The following AMELX variants were observed in gnomAD, a reference collection of about 807,000 sequenced individuals.
AMELX encodes amelogenin X-linked.
Under a neutral mutation model 15.8 loss-of-function variants are expected in AMELX, and 9 were observed. The ratio of observed to expected loss-of-function variants is 0.57; its 90% CI spans 0.34 to 0.99. The LOEUF is 0.99. Among genes scored for constraint, AMELX ranks in the 50% least tolerant of loss-of-function variants. The probability of loss-of-function intolerance (pLI) is 0.02; values close to 1 mark genes in which losing one functional copy is unlikely to be tolerated. For synonymous variants in AMELX, 61 were observed against 58.8 expected (o/e 1.04, Z -0.17); for missense variants, 107 against 156.2 (o/e 0.68, Z 1.68).
At chrX:11,306,692 G>T in the AMELX span, among the ~76,000 whole-genome samples, 1 of 111,993 alleles carries the variant, frequency 8.9e-6, no homozygotes, top group Admixed American at 9.4e-5. Flanking sequence ...TTCGTCATCC[G>T]CCTCTAGGAT....
chrX:11,297,456 G>C (rs998736237), intron 3 of AMELX, among the ~76,000 whole-genome samples: 3 of 112,075 alleles, frequency 2.7e-5, no homozygotes, highest in Non-Finnish European at 5.6e-5. Flanking sequence ...ATATTGTTTG[G>C]AGAGTAATAT....
chrX:11,307,863 G>A, the AMELX span, among the ~76,000 whole-genome samples: 2 of 111,763 alleles, frequency 1.8e-5, no homozygotes, highest in South Asian at 7.5e-4. Flanking sequence ...CACATTAGTT[G>A]ATTTGATAGT....
intron 1 of AMELX, among the ~76,000 whole-genome samples, chrX:11,293,772 C>G (rs2048034217): frequency 8.9e-6 from 1 of 112,052 alleles, no homozygotes; most frequent in Non-Finnish European, 1.9e-5. Flanking sequence ...TGATCTACTA[C>G]TTTGAAAAGC....
Position 11,298,712 on chromosome X carries a change from T to G in AMELX, c.309T>G (p.Val103=). The change falls in exon 5 of 6, where the codon GTT becomes GTG. Residue 103 remains valine (V), a synonymous_variant. Coordinates refer to ENST00000380714, the MANE Select transcript of AMELX (RefSeq NM_001142.2). ...TCCCCCAGCAACCAATGATGCCCGT[T>G]CCTGGCCAACACTCCATGACTCCAA... ...PVIPQQPMMP[V]PGQHSMTPIQ... 1 of 1,211,017 alleles carries G rather than the reference T, an allele frequency of 8.3e-7. No individual in the cohort carries two copies. The highest frequency in any genetic ancestry group is 1.1e-6 in the Non-Finnish European group (1 of 895,335).
downstream of AMELX, chrX:11,300,807 A>C: frequency 2.4e-6 from 1 of 422,579 alleles, no homozygotes; most frequent in South Asian, 5.0e-5. Flanking sequence ...CTATCATTTG[A>C]GATGATATAT....
chrX:11,308,538 CTTGATCCTTCATCA>C, the AMELX span, among the ~76,000 whole-genome samples: 1 of 111,505 alleles, frequency 9.0e-6, no homozygotes, highest in African/African-American at 3.3e-5. Context: ...GTTATAGAAT[CTTGATCCTTCATCA>C]TACTAAGGAA....
chrX:11,302,464 T>C (rs1198963349), downstream of AMELX, among the ~76,000 whole-genome samples: 1 of 112,141 alleles, frequency 8.9e-6, no homozygotes, highest in Non-Finnish European at 1.9e-5. Context: ...GCCATTCTCT[T>C]CCTCAGGCCA....
chrX:11,305,677 A>T (rs748364172), downstream of AMELX, among the ~76,000 whole-genome samples: 3 of 112,022 alleles, frequency 2.7e-5, no homozygotes, highest in Non-Finnish European at 3.8e-5. Context: ...TTAGTCTGGG[A>T]TAAGTTCTGT....
chrX:11,304,777 C>CTTTTTTTTTTTTTTTTTTT (rs953912280), downstream of AMELX, among the ~76,000 whole-genome samples: 10 of 50,310 alleles, frequency 2.0e-4, 3 homozygotes, highest in African/African-American at 7.8e-4. Context: ...CTTTCTTTTA[C>CTTTTTTTTTTTTTTTTTTT]TTTTTTTTTT....
chrX:11,305,688 T>C (rs1211521599), downstream of AMELX, among the ~76,000 whole-genome samples: 1 of 112,042 alleles, frequency 8.9e-6, no homozygotes, highest in Non-Finnish European at 1.9e-5. Context: ...TAAGTTCTGT[T>C]CTGAGATTTG....
chrX:11,300,023 G>C (rs902120494), intron 5 of AMELX, among the ~76,000 whole-genome samples: 3 of 111,887 alleles, frequency 2.7e-5, no homozygotes, highest in African/African-American at 9.7e-5. Context: ...GCATGTTTAC[G>C]GAAAATATGG....
intron 2 of AMELX, among the ~76,000 whole-genome samples, chrX:11,296,322 C>A (rs2048083114): frequency 8.9e-6 from 1 of 112,354 alleles, no homozygotes; most frequent in Non-Finnish European, 1.9e-5. Flanking sequence ...AGACAATTCT[C>A]TCCTTGTTGA....
At chrX:11,296,078 A>G (rs1219722177) in intron 2 of AMELX, among the ~76,000 whole-genome samples, 1 of 112,319 alleles carries the variant, frequency 8.9e-6, no homozygotes, top group Non-Finnish European at 1.9e-5. Flanking sequence ...TAATAAAAAA[A>G]GATCGGCCTA....
intron 5 of AMELX, among the ~76,000 whole-genome samples, chrX:11,299,969 T>TA (rs1201023260): frequency 1.8e-5 from 2 of 112,193 alleles, no homozygotes; most frequent in East Asian, 2.8e-4. Context: ...TTTCTGAATT[T>TA]AAAAAAATCA....
chrX:11,296,393 G>A (rs2048084211), intron 2 of AMELX, among the ~76,000 whole-genome samples: 1 of 111,820 alleles, frequency 8.9e-6, no homozygotes, highest in Non-Finnish European at 1.9e-5. Context: ...AGTTTTATCA[G>A]CAAGTAAACT....
the AMELX span, among the ~76,000 whole-genome samples, chrX:11,308,279 T>G: frequency 8.9e-6 from 1 of 112,213 alleles, no homozygotes; most frequent in Non-Finnish European, 1.9e-5. Flanking sequence ...CTGTGAACAC[T>G]TCGGTAACAA....
At chrX:11,297,867 T>G (rs2048112057) in intron 3 of AMELX, among the ~76,000 whole-genome samples, 1 of 112,502 alleles carries the variant, frequency 8.9e-6, no homozygotes, top group Non-Finnish European at 1.9e-5. Flanking sequence ...TGTGTTTGTT[T>G]TGCTCTTACA....
Position 11,298,769 on chromosome X carries a change from C to G in AMELX, c.366C>G (p.Pro122=). The G allele has an allele frequency of 8.3e-7, 1 of 1,211,240 alleles. No homozygotes were observed. Among genetic ancestry groups the G allele is most frequent in the Non-Finnish European group, 1.1e-6 (1 of 895,393 alleles). The change falls in exon 5 of 6, where the codon CCC becomes CCG. Residue 122 remains proline (P), a synonymous_variant. Coordinates refer to ENST00000380714, the MANE Select transcript of AMELX (RefSeq NM_001142.2). ...ACCACCAGCCAAACCTCCCTCCGCC[C>G]GCCCAGCAGCCCTACCAGCCCCAGC... ...IQHHQPNLPP[P]AQQPYQPQPV...
intron 5 of AMELX, among the ~76,000 whole-genome samples, chrX:11,299,267 C>T (rs747710271): frequency 4.2e-4 from 47 of 111,537 alleles, no homozygotes; most frequent in Admixed American, 1.2e-3. Flanking sequence ...ATTACTAAAC[C>T]CCATGAATTT....
Sources: allele counts gnomAD v4.1 joint callset (sites outside exome capture counted in the v4.1 genomes callset), GRCh38; gene constraint gnomAD v4.1.1; transcripts MANE v1.5; gene names NCBI Gene and HGNC (gene_info 2026-07-23, HGNC 2026-07-21).